Variants in ZNF732 observed in about 807,000 individuals in gnomAD.
ZNF732 encodes the protein zinc finger protein LOC654254.
A neutral mutation model predicts 11.5 loss-of-function variants in ZNF732; 12 were observed. The observed-to-expected ratio is 1.05, with a 90% CI of 0.67 to 1.70. The LOEUF is 1.70. Ranked by LOEUF, ZNF732 falls within the 40% of genes most tolerant of loss-of-function variation. The probability of loss-of-function intolerance (pLI) is 0.00; values close to 1 mark genes in which losing one functional copy is unlikely to be tolerated. For missense variants in ZNF732, 702 were observed against 676.9 expected, an observed-to-expected ratio of 1.04 and a Z score of -0.41; for synonymous variants, 231 against 236.5, an observed-to-expected ratio of 0.98 and a Z score of 0.21.
At chr4:299,466 T>TATATATACAC (rs1720054215) in intron 1 of ZNF732, among the ~76,000 whole-genome samples, 1 of 81,826 alleles carries the variant, frequency 1.2e-5, no homozygotes, top group African/African-American at 4.1e-5. Context: ...TATGTGTATA[T>TATATATACAC]ATATATACAC....
At position 278,888 on chromosome 4, in the gene ZNF732, G is replaced by A. The variant is rs1719556154; in HGVS notation, c.227-6258C>T. The stretch of plus-strand genomic sequence containing the variant: ...GCCCAGGCTATTGCTTCCTAGTCTG[G>A]TGGTGAATCCTCCATAGTCTGGTAA... On this transcript the variant is annotated intron_variant, in intron 3 of 3. Coordinates refer to ENST00000419098, the MANE Select transcript of ZNF732 (RefSeq NM_001137608.3). Among the ~76,000 whole-genome samples the A allele has an allele frequency of 2.6e-5, 4 of 152,330 alleles. No individual in the cohort carries two copies. The Middle Eastern group carries it at 0.01, about 389-fold the overall frequency.
rs1172731860 is a variant in ZNF732 at position 299,383 on chromosome 4, ACACATATG to A, written c.4-3236_4-3229del. On this transcript the variant is annotated intron_variant, in intron 1 of 3. Transcript: ENST00000419098. ...TATACACATATGTGTATATATATAT[ACACATATG>A]TACACATATGTGTATATATATATAC... Among the ~76,000 whole-genome samples the A allele has an allele frequency of 3.8e-4, 35 of 92,862 alleles. 2 individuals are homozygous for A. The highest frequency in any genetic ancestry group is 7.7e-4 in the African/African-American group (22 of 28,558). The allele number at this position is 92,862 out of a possible 152,430, so 60.9% of individuals were successfully genotyped here.
intron 3 of ZNF732, 101 bp from the exon 4 acceptor site, chr4:272,731 C>T: frequency 1.8e-6 from 2 of 1,142,630 alleles, no homozygotes; most frequent in Non-Finnish European, 1.2e-6. Flanking sequence ...AGTAAGATGG[C>T]ATAACAAAAT....
intron 3 of ZNF732, among the ~76,000 whole-genome samples, chr4:276,916 A>C (rs1178763723): frequency 6.6e-6 from 1 of 151,810 alleles, no homozygotes; most frequent in Admixed American, 6.6e-5. Flanking sequence ...AAAATATACT[A>C]TAAAGCTATA....
At chr4:279,371 G>A (rs1290298158) in intron 3 of ZNF732, among the ~76,000 whole-genome samples, 16 of 151,834 alleles carry the variant, frequency 1.1e-4, no homozygotes, top group African/African-American at 2.7e-4. Flanking sequence ...GCGTGAACCC[G>A]GGAGGCAGAG....
chr4:285,426 C>T (rs1247557119), intron 3 of ZNF732, among the ~76,000 whole-genome samples: 1 of 152,294 alleles, frequency 6.6e-6, no homozygotes, highest in East Asian at 1.9e-4. Context: ...CATGAGTCTT[C>T]TGGGCACTTA....
intron 3 of ZNF732, among the ~76,000 whole-genome samples, chr4:293,811 C>T (rs1719892917): frequency 6.6e-6 from 1 of 152,168 alleles, no homozygotes; most frequent in African/African-American, 2.4e-5. Context: ...CATATCATTA[C>T]ATTGTAAATA....
chr4:284,954 T>C (rs1719701798), intron 3 of ZNF732, among the ~76,000 whole-genome samples: 2 of 144,162 alleles, frequency 1.4e-5, no homozygotes, highest in South Asian at 4.5e-4. Flanking sequence ...AGAATTTACA[T>C]ATAAAAGTTT....
chr4:275,081 T>C (rs940770487), intron 3 of ZNF732, among the ~76,000 whole-genome samples: 1 of 151,630 alleles, frequency 6.6e-6, no homozygotes, highest in Non-Finnish European at 1.5e-5. Flanking sequence ...AGAACACTGC[T>C]CAGCAACAAC....
intron 3 of ZNF732, among the ~76,000 whole-genome samples, chr4:288,804 A>C (rs1467521456): frequency 6.6e-6 from 1 of 152,180 alleles, no homozygotes; most frequent in Non-Finnish European, 1.5e-5. Context: ...CTGTAATCCC[A>C]GCACTTTGGG....
In ZNF732 at chr4:271,711, ACTCTTATGTTTAT is replaced by A; in HGVS notation, c.1133_1145del (p.Asn378IlefsTer52). On this transcript the variant is annotated frameshift_variant, in exon 4 of 4. Transcript: ENST00000419098. LOFTEE classifies it low-confidence loss of function (END_TRUNC). The stretch of plus-strand genomic sequence containing the variant: ...TGTAGGGTTTCTCTCCAGTATGAAT[ACTCTTATGTTTAT>A]TAAGGGTTGCGGATTGTCTAAAGGC... 6.3e-7 allele frequency: 1 copy of A among 1,582,002 alleles called. No individual in the cohort carries two copies. Among genetic ancestry groups the A allele is most frequent in the Non-Finnish European group, 8.6e-7 (1 of 1,166,512 alleles).
chr4:303,182 C>T (rs1367229336), intron 1 of ZNF732, among the ~76,000 whole-genome samples: 1 of 152,150 alleles, frequency 6.6e-6, no homozygotes. Context: ...ACCATTTATC[C>T]TTTTAACTTT....
At chr4:289,938 A>G (rs1401362859) in intron 3 of ZNF732, among the ~76,000 whole-genome samples, 1 of 152,204 alleles carries the variant, frequency 6.6e-6, no homozygotes, top group Non-Finnish European at 1.5e-5. Context: ...CAAAACATGA[A>G]AAAACTCAAA....
At position 272,539 on chromosome 4, in the gene ZNF732, A is replaced by G; in HGVS notation, c.318T>C (p.Cys106=). ...TTCTTAATTCTAAATTCTCATGTCC[A>G]CATTTCTCATATCTTCTTAATATAA... is the stretch of plus-strand genomic sequence containing the variant. The part of the protein sequence containing the change: ...HKLILRRYEK[C]GHENLELRKS... Residue 106 remains cysteine, a synonymous_variant, in exon 4 of 4, where the codon TGT becomes TGC. Coordinates refer to ENST00000419098, the MANE Select transcript of ZNF732 (RefSeq NM_001137608.3). The G allele has an allele frequency of 6.2e-7, 1 of 1,603,628 alleles. No individual in the cohort carries two copies. The highest frequency in any genetic ancestry group is 1.3e-5 in the African/African-American group (1 of 74,502).
chr4:293,254 AT>A (rs1477633720), intron 3 of ZNF732, among the ~76,000 whole-genome samples: 29 of 147,166 alleles, frequency 2.0e-4, no homozygotes, highest in African/African-American at 7.0e-4. Flanking sequence ...GTATATATAT[AT>A]ACACATATAT....
At chr4:282,034 G>T (rs1006153661) in intron 3 of ZNF732, among the ~76,000 whole-genome samples, 20 of 152,164 alleles carry the variant, frequency 1.3e-4, no homozygotes, top group African/African-American at 4.6e-4. Flanking sequence ...TGCTGGAGCT[G>T]AAGTACACAA....
chr4:281,638 A>AT (rs1553839836), intron 3 of ZNF732, among the ~76,000 whole-genome samples: 1 of 152,204 alleles, frequency 6.6e-6, no homozygotes, highest in East Asian at 1.9e-4. Flanking sequence ...CGTGACCCGG[A>AT]TTCCAAAGCA....
intron 3 of ZNF732, among the ~76,000 whole-genome samples, chr4:288,155 CTT>C (rs1719769585): frequency 6.6e-6 from 1 of 151,990 alleles, no homozygotes; most frequent in Non-Finnish European, 1.5e-5. Context: ...TGAATGTTAA[CTT>C]TTGTCAAACA....
intron 1 of ZNF732, among the ~76,000 whole-genome samples, chr4:299,554 T>G (rs1390021591): frequency 1.5e-5 from 2 of 136,324 alleles, no homozygotes; most frequent in African/African-American, 5.7e-5. Context: ...CATATATATG[T>G]ATATATATAG....
Sources: allele counts gnomAD v4.1 joint callset (sites outside exome capture counted in the v4.1 genomes callset), GRCh38; gene constraint gnomAD v4.1.1; transcripts MANE v1.5; gene names NCBI Gene and HGNC (gene_info 2026-07-23, HGNC 2026-07-21).